The following TDRD1 variants were observed in gnomAD, a reference collection of about 807,000 sequenced individuals.
TDRD1 encodes the protein tudor domain-containing protein 1.
In TDRD1, 37 loss-of-function variants were observed where a neutral mutation model predicts 140.6. That is an observed-to-expected ratio of 0.26 (90% confidence interval 0.20 to 0.35). The LOEUF (loss-of-function observed/expected upper bound fraction) is 0.35. Ranked by LOEUF, TDRD1 falls within the 10% of genes least tolerant of loss-of-function variation. The pLI is 1.00. For missense variants in TDRD1, 1,243 were observed against 1,393.0 expected (o/e 0.89, Z 1.71); for synonymous variants, 506 against 475.7 (o/e 1.06, Z -0.83).
chr10:114,214,737 CTTTT>C (rs771454910), intron 16 of TDRD1, among the ~76,000 whole-genome samples: 2 of 143,510 alleles, frequency 1.4e-5, no homozygotes, highest in South Asian at 2.2e-4. Context: ...TTCTTTCTTT[CTTTT>C]TTTTTTTTTT....
exon 4 of TDRD1, chr10:114,199,207 A>C: frequency 6.2e-7 from 1 of 1,613,876 alleles, no homozygotes; most frequent in Non-Finnish European, 8.5e-7. Flanking sequence ...GCAAAATCAA[A>C]AAAACTAAAC....
At position 114,204,702 on chromosome 10, in the gene TDRD1, A is replaced by T. The variant is rs190775310; in HGVS notation, c.1126-20A>T. Reference sequence around the variant, plus strand: ...TTTTAAATGGTAATTTTTGTAAGTAACCTGCGTAAAATTTTTCAGGCCATA... The same window carrying T: ...TTTTAAATGGTAATTTTTGTAAGTATCCTGCGTAAAATTTTTCAGGCCATA... On this transcript the variant is annotated intron_variant, in intron 9 of 25. Coordinates refer to ENST00000251864, the Ensembl canonical transcript of TDRD1. 11 of 1,568,088 alleles carry T rather than the reference A, an allele frequency of 7.0e-6. No homozygotes were observed. In the African/African-American group the frequency reaches 1.5e-4, roughly 22 times the overall value.
At chr10:114,195,268 T>C (rs548845801) in intron 3 of TDRD1, among the ~76,000 whole-genome samples, 1 of 152,288 alleles carries the variant, frequency 6.6e-6, no homozygotes, top group East Asian at 1.9e-4. Flanking sequence ...CAGGATGTGG[T>C]CTTAGTATAC....
intron 6 of TDRD1, among the ~76,000 whole-genome samples, chr10:114,202,754 G>A (rs767453879): frequency 6.6e-6 from 1 of 152,122 alleles, no homozygotes; most frequent in African/African-American, 2.4e-5. Flanking sequence ...GTGACTTCAG[G>A]TATTCATTCT....
At chr10:114,180,358 G>T (rs1241403054) in intron 1 of TDRD1, among the ~76,000 whole-genome samples, 1 of 152,240 alleles carries the variant, frequency 6.6e-6, no homozygotes, top group East Asian at 1.9e-4. Flanking sequence ...AAGATGAAGT[G>T]ATTTGCCCAA....
exon 8 of TDRD1, chr10:114,203,514 G>A: frequency 1.2e-6 from 2 of 1,613,568 alleles, no homozygotes; most frequent in South Asian, 1.1e-5. Flanking sequence ...GCATGAAAAA[G>A]ACTATATTCC....
At position 114,201,498 on chromosome 10, in the gene TDRD1, C is replaced by T. The variant is rs1357837671; in HGVS notation, c.618C>T (p.Cys206=). 2.5e-6 allele frequency: 4 copies of T among 1,613,114 alleles called. No homozygotes were observed. In the South Asian group the frequency reaches 4.4e-5, roughly 18 times the overall value. The change falls in exon 5 of 26, where the codon TGC becomes TGT. Residue 206 remains cysteine (C), a synonymous_variant. Coordinates refer to ENST00000251864, the Ensembl canonical transcript of TDRD1. ...ACTGGTCTGCACACAGCATCGTGTG[C>T]AGGCCTGTTCAGCCAAAGTAAGGAT...
At chr10:114,197,507 A>G (rs759725608) in intron 3 of TDRD1, among the ~76,000 whole-genome samples, 2 of 150,666 alleles carry the variant, frequency 1.3e-5, no homozygotes, top group Admixed American at 1.3e-4. Flanking sequence ...CTGCTTTACA[A>G]TCTTTATAGA....
chr10:114,222,321 C>G (rs1384807790), intron 20 of TDRD1, among the ~76,000 whole-genome samples: 2 of 152,098 alleles, frequency 1.3e-5, no homozygotes, highest in South Asian at 2.1e-4. Flanking sequence ...GTGAACAAAC[C>G]AGTATAACCA....
intron 16 of TDRD1, among the ~76,000 whole-genome samples, chr10:114,214,889 C>A (rs1480164438): frequency 6.6e-6 from 1 of 152,078 alleles, no homozygotes; most frequent in African/African-American, 2.4e-5. Flanking sequence ...AGGCATGTGC[C>A]ACCACGCCCA....
intron 19 of TDRD1, 127 bp downstream of exon 19, chr10:114,220,970 T>A: frequency 1.6e-6 from 1 of 625,476 alleles, no homozygotes. Flanking sequence ...GATTAGTAGG[T>A]TAATATTGTA....
At chr10:114,175,806 C>T (rs767629688), upstream of TDRD1, among the ~76,000 whole-genome samples, 42 of 152,102 alleles carry the variant, frequency 2.8e-4, no homozygotes, top group Non-Finnish European at 5.4e-4. Flanking sequence ...CTGGTTGAGA[C>T]GCACTATGTA....
chr10:114,183,792 C>T (rs1396207763), intron 1 of TDRD1, among the ~76,000 whole-genome samples: 1 of 151,430 alleles, frequency 6.6e-6, no homozygotes, highest in Non-Finnish European at 1.5e-5. Context: ...CCTCTGCCTC[C>T]CAGATTCTAG....
At chr10:114,191,964 C>T (rs559447619) in intron 3 of TDRD1, among the ~76,000 whole-genome samples, 4 of 152,166 alleles carry the variant, frequency 2.6e-5, no homozygotes, top group South Asian at 4.1e-4. Flanking sequence ...ATTTCCCTCA[C>T]GATTGATGAT....
chr10:114,221,170 C>T (rs11598710), intron 19 of TDRD1, among the ~76,000 whole-genome samples, 187 bp from the exon 20 acceptor site: 24,748 of 152,114 alleles, frequency 0.16, 2,188 homozygotes, highest in Middle Eastern at 0.21. Context: ...TGAACTTTTT[C>T]GTACTGCCCA....
intron 18 of TDRD1, among the ~76,000 whole-genome samples, chr10:114,220,347 C>T (rs932296945): frequency 1.5e-4 from 23 of 152,062 alleles, no homozygotes; most frequent in Admixed American, 1.3e-4. Context: ...TAGCAGAGAA[C>T]GTAAGGAAAG....
At chr10:114,177,828 C>CTTTTTTTTTTTTTT (rs2032736462), upstream of TDRD1, among the ~76,000 whole-genome samples, 1 of 143,778 alleles carries the variant, frequency 7.0e-6, no homozygotes, top group Non-Finnish European at 1.5e-5. Context: ...TTCTTTCTTT[C>CTTTTTTTTTTTTTT]TTTTTCTTTT....
At chr10:114,205,377 G>A (rs1302748732) in intron 10 of TDRD1, among the ~76,000 whole-genome samples, 2 of 152,110 alleles carry the variant, frequency 1.3e-5, no homozygotes, top group Non-Finnish European at 1.5e-5. Context: ...CAGTTTCCAG[G>A]GTATCACCCC....
chr10:114,192,558 G>A (rs1263697280), intron 3 of TDRD1, among the ~76,000 whole-genome samples: 2 of 151,766 alleles, frequency 1.3e-5, no homozygotes, highest in African/African-American at 2.4e-5. Flanking sequence ...CGCCTGCCTC[G>A]GCCTCGCAAA....
Sources: allele counts gnomAD v4.1 joint callset (sites outside exome capture counted in the v4.1 genomes callset), GRCh38; gene constraint gnomAD v4.1.1; transcripts MANE v1.5; gene names NCBI Gene and HGNC (gene_info 2026-07-23, HGNC 2026-07-21).